Variants in ERBB4 observed in about 807,000 individuals in gnomAD.
ERBB4 encodes erb-b2 receptor tyrosine kinase 4, also known as receptor tyrosine-protein kinase erbB-4.
In ERBB4, 42 loss-of-function variants were observed where a neutral mutation model predicts 158.0. That is an observed-to-expected ratio of 0.27 (90% CI 0.21 to 0.34). The LOEUF (loss-of-function observed/expected upper bound fraction) is 0.34, where lower values mean the gene tolerates loss of function less well. ERBB4 is among the 10% of genes least tolerant of loss of function. The pLI is 1.00. For synonymous variants in ERBB4, 583 were observed against 558.7 expected, an observed-to-expected ratio of 1.04 and a Z score of -0.61; for missense variants, 1,333 against 1,624.1, an observed-to-expected ratio of 0.82 and a Z score of 3.08.
intron 1 of ERBB4, among the ~76,000 whole-genome samples, chr2:212,394,664 T>C (rs1286216343): frequency 6.6e-6 from 1 of 152,154 alleles, no homozygotes. Context: ...GCTTATTTCA[T>C]GTGTTTCCAT....
At chr2:212,161,978 T>C (rs191200792) in intron 1 of ERBB4, among the ~76,000 whole-genome samples, 35 of 152,010 alleles carry the variant, frequency 2.3e-4, no homozygotes, top group Non-Finnish European at 4.4e-4. Flanking sequence ...AGCACTGTTA[T>C]ATATTGTGAG....
intron 2 of ERBB4, among the ~76,000 whole-genome samples, chr2:211,986,305 G>T (rs1428436215): frequency 6.6e-6 from 1 of 152,188 alleles, no homozygotes; most frequent in Non-Finnish European, 1.5e-5. Context: ...ACTTTGTGAA[G>T]ACAGCCCTAG....
At chr2:211,573,391 C>A (rs1428489531) in intron 19 of ERBB4, among the ~76,000 whole-genome samples, 3 of 152,118 alleles carry the variant, frequency 2.0e-5, no homozygotes, top group African/African-American at 7.2e-5. Flanking sequence ...TTCAGAAGCA[C>A]CAGGTGCGGT....
chr2:211,529,720 C>A (rs2066444582), intron 20 of ERBB4, among the ~76,000 whole-genome samples: 1 of 152,096 alleles, frequency 6.6e-6, no homozygotes, highest in Non-Finnish European at 1.5e-5. Flanking sequence ...TGTGATACAT[C>A]ATATCAACAG....
At chr2:212,032,417 T>C (rs1028106480) in intron 2 of ERBB4, among the ~76,000 whole-genome samples, 1 of 152,048 alleles carries the variant, frequency 6.6e-6, no homozygotes, top group East Asian at 1.9e-4. Flanking sequence ...GAAAGCAATA[T>C]GAAAATGCCA....
chr2:212,171,880 T>C (rs2081530732), intron 1 of ERBB4, among the ~76,000 whole-genome samples: 1 of 151,906 alleles, frequency 6.6e-6, no homozygotes, highest in Non-Finnish European at 1.5e-5. Flanking sequence ...AATGATTAAG[T>C]CACCAAAAGC....
At chr2:212,232,030 C>T (rs910176326) in intron 1 of ERBB4, among the ~76,000 whole-genome samples, 1 of 152,060 alleles carries the variant, frequency 6.6e-6, no homozygotes, top group Non-Finnish European at 1.5e-5. Context: ...GTTTTAGATT[C>T]GAATTTCCTG....
intron 20 of ERBB4, among the ~76,000 whole-genome samples, chr2:211,512,102 T>C (rs1046136197): frequency 1.3e-5 from 2 of 152,148 alleles, no homozygotes; most frequent in East Asian, 1.9e-4. Context: ...AATTCAAAAT[T>C]TGCAGACATC....
chr2:212,229,174 G>GA (rs1199196070), intron 1 of ERBB4, among the ~76,000 whole-genome samples: 1 of 152,092 alleles, frequency 6.6e-6, no homozygotes, highest in Non-Finnish European at 1.5e-5. Context: ...TATAATGAGG[G>GA]AAACCTTAAC....
chr2:212,061,620 G>A (rs1034159113), intron 2 of ERBB4, among the ~76,000 whole-genome samples: 1 of 151,984 alleles, frequency 6.6e-6, no homozygotes, highest in African/African-American at 2.4e-5. Context: ...ATATTGTAAA[G>A]AGTGGTGATG....
intron 2 of ERBB4, among the ~76,000 whole-genome samples, chr2:212,097,934 C>T (rs927965430): frequency 1.6e-4 from 24 of 151,964 alleles, no homozygotes; most frequent in African/African-American, 7.2e-5. Context: ...GTCTTGACTT[C>T]GAACATATTA....
rs16848025 is a variant in ERBB4 at position 212,229,515 on chromosome 2, G to A, written c.83-104612C>T. Among the ~76,000 whole-genome samples, 97 of 152,306 alleles carry A rather than the reference G, an allele frequency of 6.4e-4. No homozygotes were observed. The East Asian group carries it at 0.018, about 28-fold the overall frequency. ...GCAACAGAAAGGTACTAAAGGGCCA[G>A]TAAATCAAGCTCAGTATTTAACTTT... On this transcript the variant is annotated intron_variant, in intron 1 of 27. Coordinates refer to ENST00000342788, the MANE Select transcript of ERBB4 (RefSeq NM_005235.3).
At chr2:211,842,807 G>T (rs186864840) in intron 3 of ERBB4, among the ~76,000 whole-genome samples, 2 of 152,028 alleles carry the variant, frequency 1.3e-5, no homozygotes, top group African/African-American at 4.8e-5. Flanking sequence ...CACAGGGGTC[G>T]TATCTGTCTT....
rs1423014084 is a variant in ERBB4, at chr2:211,381,940, C to G, written c.*1675G>C. Reference sequence around the variant, plus strand: ...GCCCCCTTTACTTGGAGACTCATCTCTGTCATTTGTTCTCATCCTTCATCT... The same window carrying G: ...GCCCCCTTTACTTGGAGACTCATCTGTGTCATTTGTTCTCATCCTTCATCT... On this transcript the variant is annotated 3_prime_UTR_variant, in exon 28 of 28. Transcript: ENST00000342788. The G allele has an allele frequency of 4.4e-6, 1 of 229,640 alleles. No homozygotes were observed. Among genetic ancestry groups the G allele is most frequent in the African/African-American group, 2.2e-5 (1 of 45,130 alleles). 14.2% of individuals were successfully genotyped at this position (229,640 alleles called of 1,614,324 possible).
chr2:211,926,275 A>G (rs912741815), intron 3 of ERBB4, among the ~76,000 whole-genome samples: 1 of 152,106 alleles, frequency 6.6e-6, no homozygotes, highest in Non-Finnish European at 1.5e-5. Flanking sequence ...GATGAGCACT[A>G]ATTGTCTCCA....
chr2:211,415,848 T>C (rs1050988377), intron 25 of ERBB4, among the ~76,000 whole-genome samples: 5 of 152,096 alleles, frequency 3.3e-5, no homozygotes, highest in African/African-American at 1.2e-4. Flanking sequence ...TTTATTTATA[T>C]ATCTATTCTG....
chr2:212,241,672 G>A (rs913754787), intron 1 of ERBB4, among the ~76,000 whole-genome samples: 6 of 151,980 alleles, frequency 3.9e-5, no homozygotes, highest in Middle Eastern at 6.8e-3. Flanking sequence ...CAATATTTGC[G>A]ACCATATCTT....
intron 1 of ERBB4, among the ~76,000 whole-genome samples, chr2:212,442,619 G>A (rs560280622): frequency 2.6e-4 from 40 of 151,758 alleles, no homozygotes; most frequent in Middle Eastern, 3.4e-3. Flanking sequence ...CCTACTTACA[G>A]TGGGTTCAGG....
At chr2:212,112,207 AGGCTGATCTCAAACTCCT>A (rs2125542418) in intron 2 of ERBB4, among the ~76,000 whole-genome samples, 1 of 152,196 alleles carries the variant, frequency 6.6e-6, no homozygotes, top group Admixed American at 6.6e-5. Flanking sequence ...TTTGCTGCCC[AGGCTGATCTCAAACTCCT>A]GGCTTCAAGC....
Sources: gnomAD v4.1 joint callset for allele counts (sites outside exome capture counted in the v4.1 genomes callset) on GRCh38, gnomAD v4.1.1 for gene constraint, MANE v1.5 for transcripts, NCBI Gene and HGNC (gene_info 2026-07-23, HGNC 2026-07-21) for gene names.